ASIC2: variants seen among roughly 807,000 people sequenced by gnomAD.
ASIC2 encodes acid-sensing ion channel 2.
A neutral mutation model predicts 57.3 loss-of-function variants in ASIC2; 25 were observed. The ratio of observed to expected loss-of-function variants is 0.44; its 90% confidence interval spans 0.32 to 0.61. ASIC2 has a LOEUF of 0.61. Among genes scored for constraint, ASIC2 ranks in the 20% least tolerant of loss-of-function variants. ASIC2 has a pLI of 0.06. For synonymous variants in ASIC2, 319 were observed against 307.5 expected, an observed-to-expected ratio of 1.04 and a Z score of -0.39; for missense variants, 641 against 738.1, an observed-to-expected ratio of 0.87 and a Z score of 1.52.
intron 1 of ASIC2, among the ~76,000 whole-genome samples, chr17:33,168,567 G>A (rs1905391661): frequency 6.6e-6 from 1 of 152,194 alleles, no homozygotes; most frequent in Admixed American, 6.5e-5. Context: ...GAAACTGGAG[G>A]AAAGACCAAT....
At chr17:33,536,134 G>C (rs1031955822) in intron 1 of ASIC2, among the ~76,000 whole-genome samples, 1 of 152,150 alleles carries the variant, frequency 6.6e-6, no homozygotes, top group African/African-American at 2.4e-5. Flanking sequence ...TGAAGGCTGG[G>C]GAGTATACGG....
rs536812285 is a variant in ASIC2 at position 33,485,754 on chromosome 17, A to G, written c.556-373687T>C. On this transcript the variant is annotated intron_variant, in intron 1 of 9. Coordinates refer to the ASIC2 transcript ENST00000359872. ...AGATTAAGTACAAGAGAACTCAGGA[A>G]CTTGGGGGATATTTTGGAGTTTAAA... is the stretch of plus-strand genomic sequence containing the variant. 3.2e-4 allele frequency among the ~76,000 whole-genome samples: 48 copies of G among 152,310 alleles called. No homozygotes were observed. The South Asian group carries it at 8.3e-3, about 26-fold the overall frequency.
Position 34,156,153 on chromosome 17 carries a change from T to C in ASIC2, c.380A>G (p.His127Arg). 6.2e-7 allele frequency: 1 copy of C among 1,613,996 alleles called. No homozygotes were observed. The highest frequency in any genetic ancestry group is 1.1e-5 in the South Asian group (1 of 91,066). ...CTCCAGCACGGAGGGGTCAGCCAGA[T>C]GGGGGTCCGGGATCTGCAGGTTGAC... Residue 127 changes from histidine (H) to arginine (R), a missense_variant, in exon 1 of 10, where the codon CAT becomes CGT. Coordinates refer to the ASIC2 transcript ENST00000359872. This position sits in a 1 kb window ranked among gnomAD's most constrained non-coding sequence, Gnocchi z 4.4.
rs1244300127 is a variant in ASIC2 at position 33,436,850 on chromosome 17, C to CTTTTTTTTTTTTTTTTTTTTTTTTTTT, written c.556-324784_556-324783insAAAAAAAAAAAAAAAAAAAAAAAAAAA. On this transcript the variant is annotated intron_variant, in intron 1 of 9. Transcript: ENST00000359872. ...TGCAATGCCTTAAAACACATTCCAACTTCTTTTTTTTTTTTTTTTTTTTTT... is the reference window on the plus strand; with the variant it reads ...TGCAATGCCTTAAAACACATTCCAACTTTTTTTTTTTTTTTTTTTTTTTTTTTTTCTTTTTTTTTTTTTTTTTTTTTT... Among the ~76,000 whole-genome samples, 3 of 76,038 alleles carry CTTTTTTTTTTTTTTTTTTTTTTTTTTT rather than the reference C, an allele frequency of 3.9e-5. 1 individual carries two copies. The allele number at this position is 76,038 out of a possible 152,430, so 49.9% of individuals were successfully genotyped here.
intron 1 of ASIC2, among the ~76,000 whole-genome samples, chr17:33,701,376 C>G (rs1472449367): frequency 4.6e-5 from 7 of 152,104 alleles, no homozygotes; most frequent in Non-Finnish European, 7.4e-5. Context: ...TACAGCCATA[C>G]CGGACTACAA....
intron 1 of ASIC2, among the ~76,000 whole-genome samples, chr17:33,316,176 T>A (rs1906636891): frequency 6.6e-6 from 1 of 152,242 alleles, no homozygotes; most frequent in Non-Finnish European, 1.5e-5. Context: ...TCAGCCTTAC[T>A]ATGTTTAGTT....
intron 1 of ASIC2, among the ~76,000 whole-genome samples, chr17:33,628,466 A>AT (rs796168644): frequency 0.026 from 3,862 of 146,796 alleles, 137 homozygotes; most frequent in African/African-American, 0.086. Flanking sequence ...TAGTTTTTAA[A>AT]TTTTTTTTTT....
chr17:33,886,804 C>T lies in ASIC2; in HGVS notation c.555+269174G>A, dbSNP rs565213146. On this transcript the variant is annotated intron_variant, in intron 1 of 9. Transcript: ENST00000359872. Reference sequence around the variant, plus strand: ...TCCCTTGAAACAGCAGTATTGGCATCATGGGCTAGACATGCAGGTTCAGAC... The same window carrying T: ...TCCCTTGAAACAGCAGTATTGGCATTATGGGCTAGACATGCAGGTTCAGAC... Among the ~76,000 whole-genome samples, 77 of 152,170 alleles carry T rather than the reference C, an allele frequency of 5.1e-4. No homozygotes were observed. The Middle Eastern group carries it at 0.02, about 40-fold the overall frequency.
intron 1 of ASIC2, among the ~76,000 whole-genome samples, chr17:34,010,030 C>T (rs1906658257): frequency 6.6e-6 from 1 of 152,178 alleles, no homozygotes; most frequent in Admixed American, 6.5e-5. Flanking sequence ...GCAGCATCGA[C>T]CCACTCTGAC....
At chr17:33,167,245 T>C (rs2142044951) in intron 1 of ASIC2, among the ~76,000 whole-genome samples, 1 of 152,152 alleles carries the variant, frequency 6.6e-6, no homozygotes, top group Non-Finnish European at 1.5e-5. Flanking sequence ...TACTTGCCAC[T>C]TCTCTTGGTG....
chr17:34,099,472 GAA>G, intron 1 of ASIC2, among the ~76,000 whole-genome samples: 1 of 135,650 alleles, frequency 7.4e-6, no homozygotes, highest in Non-Finnish European at 1.5e-5. Flanking sequence ...GAAAGAGAGA[GAA>G]AGGAAGGAAG....
intron 1 of ASIC2, among the ~76,000 whole-genome samples, chr17:33,834,964 A>G (rs903435129): frequency 2.0e-5 from 3 of 152,198 alleles, no homozygotes; most frequent in Admixed American, 2.0e-4. Context: ...AAAATAAATA[A>G]CTGTGTTTGG....
intron 1 of ASIC2, among the ~76,000 whole-genome samples, chr17:33,197,457 C>A (rs1179970966): frequency 2.6e-5 from 4 of 152,206 alleles, no homozygotes; most frequent in Non-Finnish European, 2.9e-5. Flanking sequence ...ACATGTCCAC[C>A]AGGCACTCAT....
chr17:33,386,080 T>C (rs1373198433), intron 1 of ASIC2, among the ~76,000 whole-genome samples: 1 of 152,246 alleles, frequency 6.6e-6, no homozygotes, highest in South Asian at 2.1e-4. Flanking sequence ...TATTCACCCC[T>C]GTATTCCTAG....
intron 1 of ASIC2, among the ~76,000 whole-genome samples, chr17:34,099,411 G>A (rs1033257564): frequency 7.9e-6 from 1 of 127,136 alleles, no homozygotes; most frequent in Admixed American, 8.5e-5. Flanking sequence ...AGGAAGGAAG[G>A]AAAGAAAGAA....
At chr17:33,721,556 A>G (rs544735705) in intron 1 of ASIC2, among the ~76,000 whole-genome samples, 1 of 152,296 alleles carries the variant, frequency 6.6e-6, no homozygotes, top group East Asian at 1.9e-4. Flanking sequence ...CAATGAACAG[A>G]ACTCCCCTTC....
chr17:33,418,673 G>A (rs1229098822), intron 1 of ASIC2, among the ~76,000 whole-genome samples: 1 of 152,082 alleles, frequency 6.6e-6, no homozygotes, highest in Non-Finnish European at 1.5e-5. Flanking sequence ...AAGATCAGAT[G>A]GTTGTAGATG....
At position 33,233,514 on chromosome 17, in the gene ASIC2, T is replaced by TCACA. The variant is rs36203893; in HGVS notation, c.708+57890_708+57893dup. Among the ~76,000 whole-genome samples, 519 of 147,064 alleles carry TCACA rather than the reference T, an allele frequency of 3.5e-3. 4 individuals carry two copies. The highest frequency in any genetic ancestry group is 0.012 in the South Asian group (55 of 4,464). On this transcript the variant is annotated intron_variant, in intron 1 of 9. Coordinates refer to ENST00000225823, the MANE Select transcript of ASIC2 (RefSeq NM_183377.2). ...CACTTGAGGTTACGGAATTGGAAAT[T>TCACA]CACACACACACACACACACACACAC... is the stretch of plus-strand genomic sequence containing the variant.
At chr17:34,095,649 AT>A (rs1910506963) in intron 1 of ASIC2, among the ~76,000 whole-genome samples, 1 of 100,972 alleles carries the variant, frequency 9.9e-6, no homozygotes, top group African/African-American at 4.6e-5. Context: ...ATATATATAT[AT>A]ATATAATTTT....
Sources: allele counts gnomAD v4.1 joint callset (sites outside exome capture counted in the v4.1 genomes callset), GRCh38; gene constraint gnomAD v4.1.1; non-coding constraint Gnocchi (gnomAD v3.1); transcripts MANE v1.5; gene names NCBI Gene and HGNC (gene_info 2026-07-23, HGNC 2026-07-21).